The following NCOA5 variants were observed in gnomAD, a reference collection of about 807,000 sequenced individuals.
NCOA5 encodes nuclear receptor coactivator 5, also known as NCoA-5.
Under a neutral mutation model 59.0 loss-of-function variants are expected in NCOA5, and 12 were observed. The observed-to-expected ratio is 0.20, with a 90% confidence interval of 0.13 to 0.33. The LOEUF is 0.33. Among genes scored for constraint, NCOA5 ranks in the 10% least tolerant of loss-of-function variants. The pLI is 1.00. For synonymous variants in NCOA5, 270 were observed against 275.5 expected (o/e 0.98, Z 0.20); for missense variants, 655 against 766.6 (o/e 0.85, Z 1.72).
At position 46,070,510 on chromosome 20, in the gene NCOA5, C is replaced by T. The variant is rs758603457; in HGVS notation, c.65G>A (p.Arg22Gln). Reference protein sequence around the residue: ...RRDPYGFGDSRDSRRDRSPIR... With the variant: ...RRDPYGFGDSQDSRRDRSPIR... ...TGGGGATCGATCACGCCTTGAATCT[C>T]GACTGTCTCCAAAGCCATATGGATC... The change falls in exon 3 of 8, where the codon CGA (arginine) becomes CAA (glutamine). Residue 22 changes from arginine (R) to glutamine (Q), a missense_variant. Transcript: ENST00000290231. 21 of 1,613,822 alleles carry T rather than the reference C, an allele frequency of 1.3e-5. No homozygotes were observed. The highest frequency in any genetic ancestry group is 7.6e-6 in the Non-Finnish European group (9 of 1,179,992).
At chr20:46,085,049 A>C (rs1600634879) in intron 1 of NCOA5, among the ~76,000 whole-genome samples, 1 of 152,208 alleles carries the variant, frequency 6.6e-6, no homozygotes, top group Non-Finnish European at 1.5e-5. Context: ...TTTTTAAAAA[A>C]GAAAGGGTCT....
chr20:46,072,541 C>G (rs2084893195), intron 2 of NCOA5, among the ~76,000 whole-genome samples: 1 of 152,150 alleles, frequency 6.6e-6, no homozygotes, highest in South Asian at 2.1e-4. Context: ...CTACCAATGC[C>G]ATGAAGGTCC....
intron 1 of NCOA5, among the ~76,000 whole-genome samples, chr20:46,087,838 G>A (rs1421867651): frequency 6.6e-6 from 1 of 152,208 alleles, no homozygotes. Context: ...TTCTGAAACG[G>A]ACGCCGGGCT....
rs763950618 is a variant in NCOA5, at chr20:46,070,288, G to C, written c.287C>G (p.Ser96Cys). ...GTCTCGCTGATCTCGAAAATCCCTA[G>C]AGTCTCTTAGATCACGAAAGTCTCT... ...DLRDFRDLRD[S>C]RDFRDQRDPM... The change falls in exon 3 of 8, where the codon TCT becomes TGT. Residue 96 changes from serine (S) to cysteine (C), a missense_variant. Ser to Cys is a moderately radical substitution (Grantham distance 112). Coordinates refer to ENST00000290231, the MANE Select transcript of NCOA5 (RefSeq NM_020967.3). 1.2e-6 allele frequency: 2 copies of C among 1,613,814 alleles called. No individual in the cohort carries two copies. The highest frequency in any genetic ancestry group is 2.7e-5 in the African/African-American group (2 of 74,820).
At chr20:46,073,757 A>G (rs768172840) in intron 2 of NCOA5, among the ~76,000 whole-genome samples, 57 of 152,050 alleles carry the variant, frequency 3.7e-4, no homozygotes, top group Non-Finnish European at 5.0e-4. Context: ...TCGGAGTATT[A>G]TAAGTGTTAT....
intron 6 of NCOA5, among the ~76,000 whole-genome samples, chr20:46,063,926 C>T (rs1428211353): frequency 6.6e-6 from 1 of 152,062 alleles, no homozygotes; most frequent in Non-Finnish European, 1.5e-5. Flanking sequence ...ATTCCTAGAT[C>T]ACAGACTTGT....
At chr20:46,078,544 C>T (rs533767165) in intron 2 of NCOA5, among the ~76,000 whole-genome samples, 2 of 145,500 alleles carry the variant, frequency 1.4e-5, no homozygotes. Context: ...TCAATTAATC[C>T]ATTTGGGCCT....
intron 1 of NCOA5, among the ~76,000 whole-genome samples, chr20:46,084,400 A>G (rs759694745): frequency 2.0e-5 from 3 of 152,180 alleles, no homozygotes; most frequent in Non-Finnish European, 2.9e-5. Flanking sequence ...GAACCTGGAA[A>G]AGGTCCAGTC....
chr20:46,076,516 CTTTT>C (rs917849843), intron 2 of NCOA5, among the ~76,000 whole-genome samples: 102 of 148,082 alleles, frequency 6.9e-4, no homozygotes, highest in African/African-American at 2.4e-3. Flanking sequence ...TTAAACCTGT[CTTTT>C]TTTTTAAGGT....
rs548695495 is a variant in NCOA5, at chr20:46,070,551, A to C, written c.39-15T>G. The C allele has an allele frequency of 7.5e-6, 12 of 1,606,514 alleles. No homozygotes were observed. In the South Asian group the frequency reaches 1.3e-4, roughly 18 times the overall value. ...CATATGGATCCCTGTGGGAGGTAGC[A>C]AGAAAATGCTAAGACAAAGAAATTG... On this transcript the variant is annotated splice_polypyrimidine_tract_variant and intron_variant, in intron 2 of 7. Coordinates refer to ENST00000290231, the MANE Select transcript of NCOA5 (RefSeq NM_020967.3).
In NCOA5 at chr20:46,068,518, A is replaced by C. The variant is rs776950330; in HGVS notation, c.486T>G (p.Ser162Arg). ...FDGRGPPGPESQSRAKERLKR... is the reference protein window; with the variant it reads ...FDGRGPPGPERQSRAKERLKR... ...CTACTTTACCTTTTGCACGAGACTG[A>C]CTTTCTGGGCCTGGAGGGCCCCGTC... Residue 162 changes from serine to arginine, a missense_variant, in exon 4 of 8, where the codon AGT becomes AGG. Ser to Arg is a moderately radical substitution (Grantham distance 110). Around this residue, in one of 3 missense-constraint regions of NCOA5, gnomAD observed 250 missense variants for 260.1 expected, o/e 0.96. Coordinates refer to ENST00000290231, the MANE Select transcript of NCOA5 (RefSeq NM_020967.3). 1 of 1,611,738 alleles carries C rather than the reference A, an allele frequency of 6.2e-7. No individual in the cohort carries two copies. The highest frequency in any genetic ancestry group is 8.5e-7 in the Non-Finnish European group (1 of 1,179,206).
intron 1 of NCOA5, among the ~76,000 whole-genome samples, chr20:46,079,693 A>G (rs1259702488): frequency 1.3e-5 from 2 of 152,218 alleles, no homozygotes; most frequent in Non-Finnish European, 2.9e-5. Flanking sequence ...AATTTGTCTT[A>G]AACTAATTAC....
intron 7 of NCOA5, 140 bp from the exon 8 acceptor site, chr20:46,063,029 C>T (rs960317620): frequency 7.9e-6 from 6 of 763,224 alleles, no homozygotes; most frequent in Non-Finnish European, 1.2e-5. Flanking sequence ...CCCAAAGAGG[C>T]CGCTTCATGA....
At chr20:46,083,588 C>T (rs1211026570) in intron 1 of NCOA5, among the ~76,000 whole-genome samples, 1 of 152,298 alleles carries the variant, frequency 6.6e-6, no homozygotes, top group Non-Finnish European at 1.5e-5. Context: ...AGTGACAGTA[C>T]CACCACTAGC....
intron 2 of NCOA5, among the ~76,000 whole-genome samples, chr20:46,076,428 C>T (rs897852798): frequency 2.0e-5 from 3 of 152,034 alleles, no homozygotes; most frequent in East Asian, 1.9e-4. Flanking sequence ...TATGTCTGCC[C>T]TATTGGTATA....
chr20:46,077,922 C>T lies in NCOA5; in HGVS notation c.38+1465G>A, dbSNP rs548392431. Reference sequence around the variant, plus strand: ...ATTATACGGAACTGCTGAAGTTCTGCAGGATTTGTTTATGTTCTTCAGGAT... The same window carrying T: ...ATTATACGGAACTGCTGAAGTTCTGTAGGATTTGTTTATGTTCTTCAGGAT... On this transcript the variant is annotated intron_variant, in intron 2 of 7. Coordinates refer to ENST00000290231, the MANE Select transcript of NCOA5 (RefSeq NM_020967.3). Among the ~76,000 whole-genome samples the T allele has an allele frequency of 2.0e-5, 3 of 152,324 alleles. No homozygotes were observed. The East Asian group carries it at 5.8e-4, about 29-fold the overall frequency.
At chr20:46,074,168 T>G (rs1323214030) in intron 2 of NCOA5, among the ~76,000 whole-genome samples, 1 of 152,186 alleles carries the variant, frequency 6.6e-6, no homozygotes, top group East Asian at 1.9e-4. Flanking sequence ...AGGGTTGCTT[T>G]AGGACCCAAA....
chr20:46,084,910 T>G (rs532697217), intron 1 of NCOA5, among the ~76,000 whole-genome samples: 1 of 152,246 alleles, frequency 6.6e-6, no homozygotes, highest in Non-Finnish European at 1.5e-5. Context: ...TTGAAAAGGA[T>G]AGCTTATAAT....
At chr20:46,088,556 T>C (rs1220515269) in intron 1 of NCOA5, among the ~76,000 whole-genome samples, 4 of 152,272 alleles carry the variant, frequency 2.6e-5, no homozygotes, top group Admixed American at 2.6e-4. Flanking sequence ...TCCCCAGCAT[T>C]TGTAGAAACA....
Sources: allele counts gnomAD v4.1 joint callset (sites outside exome capture counted in the v4.1 genomes callset), GRCh38; gene constraint gnomAD v4.1.1; regional missense constraint gnomAD v4.1.1; transcripts MANE v1.5; gene names NCBI Gene and HGNC (gene_info 2026-07-23, HGNC 2026-07-21).